Variants in PCDHGB1 observed in about 807,000 individuals in gnomAD.
PCDHGB1 encodes the protein protocadherin gamma subfamily B, 1, also known as protocadherin gamma-B1.
PCDHGB1 carries 34 observed loss-of-function variants against 56.6 expected under a neutral mutation model. The ratio of observed to expected loss-of-function variants is 0.60; its 90% CI spans 0.46 to 0.80. PCDHGB1 has a LOEUF of 0.80. Ranked by LOEUF, PCDHGB1 falls within the 30% of genes least tolerant of loss-of-function variation. The pLI is 0.00. For missense variants in PCDHGB1, 1,278 were observed against 1,204.6 expected, an observed-to-expected ratio of 1.06 and a Z score of -0.90; for synonymous variants, 561 against 505.9, an observed-to-expected ratio of 1.11 and a Z score of -1.46.
chr5:141,355,623 A>T, intron 1 of PCDHGB1: 1 of 1,613,994 alleles, frequency 6.2e-7, no homozygotes. Context: ...GGGAAATAAA[A>T]GTTGCTGAAA....
Position 141,432,097 on chromosome 5 carries a change from C to T in PCDHGB1, c.2410-62710C>T, listed in dbSNP as rs1428283489. The stretch of plus-strand genomic sequence containing the variant: ...TCTCGCTGAACGTGGCAGACACCAA[C>T]GACAACCCGCCGGTCTTCCCTCAGG... On this transcript the variant is annotated intron_variant, in intron 1 of 3. Transcript: ENST00000523390. This position sits in a 1 kb window ranked among gnomAD's most constrained non-coding sequence, Gnocchi z 6.0. 6 of 1,614,066 alleles carry T rather than the reference C, an allele frequency of 3.7e-6. No individual in the cohort carries two copies. The highest frequency in any genetic ancestry group is 2.7e-5 in the African/African-American group (2 of 74,920).
At chr5:141,510,028 C>A (rs962629835) in intron 3 of PCDHGB1, among the ~76,000 whole-genome samples, 1 of 152,164 alleles carries the variant, frequency 6.6e-6, no homozygotes, top group Non-Finnish European at 1.5e-5. Context: ...GCTGGCTGGG[C>A]TGTTATGTAG....
rs772637812 is a variant in PCDHGB1 at position 141,408,685 on chromosome 5, TATAAAC to T, written c.2409+56023_2409+56028del. On this transcript the variant is annotated intron_variant, in intron 1 of 3. Transcript: ENST00000523390. ...CGCTTGACCCTGCCACGGATCCTGA[TATAAAC>T]ATAAACTCAATTAAAGATTATAAGA... 8 of 1,613,994 alleles carry T rather than the reference TATAAAC, an allele frequency of 5.0e-6. No individual in the cohort carries two copies. The Admixed American group carries it at 1.0e-4, about 20-fold the overall frequency.
rs73279071 is a variant in PCDHGB1 at position 141,386,620 on chromosome 5, C to G, written c.2409+33951C>G. 8.3e-3 allele frequency among the ~76,000 whole-genome samples: 1,265 copies of G among 151,666 alleles called. 17 individuals carry two copies. The highest frequency in any genetic ancestry group is 0.029 in the African/African-American group (1,203 of 41,334). On this transcript the variant is annotated intron_variant, in intron 1 of 3. Transcript: ENST00000523390. ...ATTTTTTTTTTTTGACATGGAGTCTCGCTCTGTCACCCAGGCTGGATACAT... is the reference window on the plus strand; with the variant it reads ...ATTTTTTTTTTTTGACATGGAGTCTGGCTCTGTCACCCAGGCTGGATACAT...
intron 1 of PCDHGB1, chr5:141,419,135 G>A (rs2096331504): frequency 3.1e-6 from 5 of 1,613,910 alleles, no homozygotes; most frequent in Non-Finnish European, 4.2e-6. Flanking sequence ...CGCAGCCACA[G>A]ACAGGGGCAA....
rs2096144450 is a variant in PCDHGB1 at position 141,417,665 on chromosome 5, T to C, written c.2409+64996T>C. On this transcript the variant is annotated intron_variant, in intron 1 of 3. Coordinates refer to ENST00000523390, the MANE Select transcript of PCDHGB1 (RefSeq NM_018922.3). ...CCTCAGCCTCTAGCCTGGGATTCCCTGCGCAGCCAACAACAGAAAAGAAAA... is the reference window on the plus strand; with the variant it reads ...CCTCAGCCTCTAGCCTGGGATTCCCCGCGCAGCCAACAACAGAAAAGAAAA... 3.3e-6 allele frequency: 3 copies of C among 915,730 alleles called. No individual in the cohort carries two copies. In the South Asian group the frequency reaches 5.8e-5, roughly 18 times the overall value. 56.7% of individuals were successfully genotyped at this position (915,730 alleles called of 1,614,324 possible).
In PCDHGB1 at chr5:141,510,353, C is replaced by G. The variant is rs74759939; in HGVS notation, c.2558-594C>G. On this transcript the variant is annotated intron_variant, in intron 3 of 3. Transcript: ENST00000523390. ...CACCCCCACCCCACACACTTACTAA[C>G]GGAACTACCGAATCTCTACTCGTGC... is the stretch of plus-strand genomic sequence containing the variant. Among the ~76,000 whole-genome samples the G allele has an allele frequency of 1.9e-4, 28 of 146,588 alleles. No homozygotes were observed. The East Asian group carries it at 5.6e-3, about 29-fold the overall frequency.
intron 1 of PCDHGB1, chr5:141,394,336 A>G (rs1205005872): frequency 1.9e-6 from 3 of 1,613,704 alleles, no homozygotes; most frequent in Non-Finnish European, 1.7e-6. Context: ...ATCTCCATCA[A>G]CTCTGACACC....
intron 1 of PCDHGB1, chr5:141,371,272 A>G (rs750507837): frequency 1.9e-6 from 3 of 1,614,026 alleles, no homozygotes; most frequent in Admixed American, 1.7e-5. Context: ...CAACTGTTCA[A>G]GCTGGACAGT....
At chr5:141,497,092 G>C (rs2099773958) in intron 2 of PCDHGB1, among the ~76,000 whole-genome samples, 1 of 152,092 alleles carries the variant, frequency 6.6e-6, no homozygotes, top group Admixed American at 6.5e-5. Flanking sequence ...AGGAGGCTGA[G>C]GCAGAACTGC....
chr5:141,477,571 C>T lies in PCDHGB1; in HGVS notation c.2410-17236C>T, dbSNP rs1470454976. The T allele has an allele frequency of 8.1e-6, 13 of 1,614,160 alleles. No individual in the cohort carries two copies. Among genetic ancestry groups the T allele is most frequent in the Middle Eastern group, 1.7e-4 (1 of 6,060 alleles). ...TAAACCTAAGTGTCTGGGACCCCGACGCCCCGCAGAATGCTCGGCTTTCTT... is the reference window on the plus strand; with the variant it reads ...TAAACCTAAGTGTCTGGGACCCCGATGCCCCGCAGAATGCTCGGCTTTCTT... On this transcript the variant is annotated intron_variant, in intron 1 of 3. Transcript: ENST00000523390. This position sits in a 1 kb window ranked among gnomAD's most constrained non-coding sequence, Gnocchi z 4.9.
chr5:141,415,332 G>A (rs758125316), intron 1 of PCDHGB1: 1 of 1,614,214 alleles, frequency 6.2e-7, no homozygotes, highest in South Asian at 1.1e-5. Context: ...TGGCGCACAG[G>A]CTGCGGCGCT....
At chr5:141,362,004 G>T in intron 1 of PCDHGB1, 1 of 1,604,470 alleles carries the variant, frequency 6.2e-7, no homozygotes, top group South Asian at 1.1e-5. Flanking sequence ...GGTTGCGCAC[G>T]GGTGAGGTGC....
chr5:141,422,156 T>C, intron 1 of PCDHGB1: 2 of 1,573,504 alleles, frequency 1.3e-6, no homozygotes, highest in Non-Finnish European at 8.6e-7. Flanking sequence ...TCTCTGGATT[T>C]TGAAAAATAT....
intron 1 of PCDHGB1, chr5:141,356,433 C>A: frequency 6.2e-7 from 1 of 1,610,210 alleles, no homozygotes; most frequent in Non-Finnish European, 8.5e-7. Context: ...GAACACTGGA[C>A]AGGGAAGAAG....
chr5:141,486,401 G>T lies in PCDHGB1; in HGVS notation c.2410-8406G>T. 6.2e-7 allele frequency: 1 copy of T among 1,614,174 alleles called. No individual in the cohort carries two copies. On this transcript the variant is annotated intron_variant, in intron 1 of 3. Transcript: ENST00000523390. The surrounding 1 kb of genome is among the most constrained non-coding windows in gnomAD (Gnocchi z 5.0). ...CAGGAACCAGTTCTCCCTGGTGACT[G>T]CTGGACCCTTGGATCGAGAGGCCAA...
At chr5:141,376,679 T>TTTTTG in intron 1 of PCDHGB1, 5 of 528,402 alleles carry the variant, frequency 9.5e-6, no homozygotes, top group Admixed American at 9.3e-5. Context: ...GGGTATCGTT[T>TTTTTG]TTTTTTTTTT....
At chr5:141,355,082 G>A (rs1759709417) in intron 1 of PCDHGB1, 7 of 1,429,092 alleles carry the variant, frequency 4.9e-6, no homozygotes, top group East Asian at 4.7e-5. Flanking sequence ...AGCTTCAAGC[G>A]GAAGCCCTGA....
At chr5:141,398,606 C>T in intron 1 of PCDHGB1, 1 of 1,614,000 alleles carries the variant, frequency 6.2e-7, no homozygotes, top group Non-Finnish European at 8.5e-7. Context: ...GCAGAAGATG[C>T]AGATATTGGC....
Sources: allele counts gnomAD v4.1 joint callset (sites outside exome capture counted in the v4.1 genomes callset), GRCh38; gene constraint gnomAD v4.1.1; non-coding constraint Gnocchi (gnomAD v3.1); transcripts MANE v1.5; gene names NCBI Gene and HGNC (gene_info 2026-07-23, HGNC 2026-07-21).